The following PAK5 variants were observed in gnomAD, a reference collection of about 807,000 sequenced individuals.
PAK5 encodes p21 (RAC1) activated kinase 5.
A neutral mutation model predicts 65.9 loss-of-function variants in PAK5; 16 were observed. The ratio of observed to expected loss-of-function variants is 0.24; its 90% CI spans 0.16 to 0.37. The LOEUF is 0.37. PAK5 is among the 10% of genes least tolerant of loss of function. PAK5 has a pLI of 1.00. For synonymous variants in PAK5, 371 were observed against 354.9 expected, an observed-to-expected ratio of 1.05 and a Z score of -0.51; for missense variants, 785 against 903.9, an observed-to-expected ratio of 0.87 and a Z score of 1.69.
intron 1 of PAK5, among the ~76,000 whole-genome samples, chr20:9,762,562 A>G (rs768373186): frequency 4.6e-5 from 7 of 152,142 alleles, no homozygotes; most frequent in African/African-American, 4.8e-5. Flanking sequence ...CAAAATCACA[A>G]TGAGATATCA....
At chr20:9,641,963 T>G (rs1376342181) in intron 3 of PAK5, among the ~76,000 whole-genome samples, 3 of 152,278 alleles carry the variant, frequency 2.0e-5, no homozygotes, top group South Asian at 2.1e-4. Flanking sequence ...TTCCCACTTG[T>G]GCCTCTCCCT....
intron 2 of PAK5, among the ~76,000 whole-genome samples, chr20:9,659,864 A>ACTTT (rs563001938): frequency 1.2e-3 from 187 of 152,266 alleles, no homozygotes; most frequent in Non-Finnish European, 1.3e-3. Context: ...TTCAAACTGA[A>ACTTT]CTTTCCATGT....
At chr20:9,747,910 A>G (rs4813898) in intron 1 of PAK5, among the ~76,000 whole-genome samples, 30,646 of 151,366 alleles carry the variant, frequency 0.2, 3,097 homozygotes, top group East Asian at 0.3. Flanking sequence ...CTGTTTGCAG[A>G]TGACATGATT....
chr20:9,638,849 T>C (rs1360746394), intron 3 of PAK5, among the ~76,000 whole-genome samples: 1 of 152,184 alleles, frequency 6.6e-6, no homozygotes, highest in African/African-American at 2.4e-5. Flanking sequence ...GGAACTAGCT[T>C]GGCAAAGCTT....
chr20:9,577,423 A>G (rs6056713), intron 4 of PAK5: 28,949 of 151,734 alleles, frequency 0.19, 3,062 homozygotes, highest in African/African-American at 0.29. Context: ...GTACACACAC[A>G]TGACCCTCCT....
At position 9,715,609 on chromosome 20, in the gene PAK5, C is replaced by A. The variant is rs74751486; in HGVS notation, c.-161-4174G>T. On this transcript the variant is annotated intron_variant, in intron 1 of 9. Coordinates refer to ENST00000353224, the MANE Select transcript of PAK5 (RefSeq NM_177990.4). ...GACACATGCACACGTATGTTTATTG[C>A]GGCACTATTCACAATAGCAAAGACT... 9.0e-4 allele frequency among the ~76,000 whole-genome samples: 137 copies of A among 151,566 alleles called. 1 individual carries two copies. The highest frequency in any genetic ancestry group is 2.9e-3 in the African/African-American group (120 of 41,192).
At chr20:9,797,815 A>G (rs1017455396) in intron 1 of PAK5, among the ~76,000 whole-genome samples, 11 of 152,056 alleles carry the variant, frequency 7.2e-5, no homozygotes, top group Non-Finnish European at 1.2e-4. Flanking sequence ...GGAGATGCCA[A>G]TTAGGCACCT....
intron 1 of PAK5, among the ~76,000 whole-genome samples, chr20:9,831,484 C>T (rs965413260): frequency 6.6e-6 from 1 of 152,146 alleles, no homozygotes; most frequent in Admixed American, 6.5e-5. Flanking sequence ...TTTTTTAATT[C>T]TGATTCATAA....
At chr20:9,581,971 A>T (rs1305641637) in intron 3 of PAK5, among the ~76,000 whole-genome samples, 4 of 152,196 alleles carry the variant, frequency 2.6e-5, no homozygotes, top group South Asian at 2.1e-4. Context: ...CCTGGAGCTG[A>T]TGTTTTATAG....
chr20:9,829,742 T>G (rs1978560032), intron 1 of PAK5, among the ~76,000 whole-genome samples: 1 of 152,118 alleles, frequency 6.6e-6, no homozygotes, highest in Non-Finnish European at 1.5e-5. Flanking sequence ...TTAAATACTA[T>G]AAATCAAGCT....
At chr20:9,779,713 A>G (rs1256832288) in intron 1 of PAK5, among the ~76,000 whole-genome samples, 2 of 152,078 alleles carry the variant, frequency 1.3e-5, no homozygotes, top group African/African-American at 4.8e-5. Flanking sequence ...AATTAATTAT[A>G]GCCCCTTAGA....
intron 1 of PAK5, among the ~76,000 whole-genome samples, chr20:9,721,653 CAAAAAAAAAAAAAAAAAAA>C (rs144378083): frequency 3.1e-5 from 2 of 65,522 alleles, no homozygotes; most frequent in Non-Finnish European, 5.3e-5. Context: ...GACTCCATCT[CAAAAAAAAAAAAAAAAAAA>C]AAAAAAAAAA....
chr20:9,725,961 T>G (rs2048272845), intron 1 of PAK5, among the ~76,000 whole-genome samples: 1 of 152,124 alleles, frequency 6.6e-6, no homozygotes, highest in South Asian at 2.1e-4. Flanking sequence ...TAATTTGACA[T>G]CCTAGAGGAA....
intron 3 of PAK5, among the ~76,000 whole-genome samples, chr20:9,627,204 T>G (rs1363370821): frequency 6.6e-6 from 1 of 152,250 alleles, no homozygotes; most frequent in African/African-American, 2.4e-5. Flanking sequence ...CTTTCTGCTC[T>G]AAGCTAAGTG....
intron 3 of PAK5, among the ~76,000 whole-genome samples, chr20:9,623,271 A>T (rs1225395486): frequency 6.6e-6 from 1 of 152,150 alleles, no homozygotes; most frequent in Non-Finnish European, 1.5e-5. Context: ...ATATAGTAAA[A>T]AGGGAAGGTA....
Position 9,772,711 on chromosome 20 carries a change from C to T in PAK5, c.-161-61276G>A, listed in dbSNP as rs575877239. On this transcript the variant is annotated intron_variant, in intron 1 of 9. Transcript: ENST00000353224. The stretch of plus-strand genomic sequence containing the variant: ...TGTGGTTAATGTGAATTTACATTTG[C>T]GAAATAATGAAGTAGATGTTGTCAG... 3.9e-5 allele frequency among the ~76,000 whole-genome samples: 6 copies of T among 152,304 alleles called. No individual in the cohort carries two copies. In the South Asian group the frequency reaches 6.2e-4, roughly 16 times the overall value.
At chr20:9,700,887 AT>A (rs1186820538) in intron 2 of PAK5, among the ~76,000 whole-genome samples, 1 of 152,042 alleles carries the variant, frequency 6.6e-6, no homozygotes, top group Non-Finnish European at 1.5e-5. Flanking sequence ...TTGTTTGCAT[AT>A]TTTTGTTTTT....
At chr20:9,584,082 G>C (rs565920553) in intron 3 of PAK5, among the ~76,000 whole-genome samples, 1 of 152,098 alleles carries the variant, frequency 6.6e-6, no homozygotes, top group African/African-American at 2.4e-5. Context: ...CTCCCTTAGA[G>C]AAAGAAAGAA....
chr20:9,539,432 C>T lies in PAK5; in HGVS notation c.*30G>A. On this transcript the variant is annotated 3_prime_UTR_variant, in exon 10 of 10. Coordinates refer to ENST00000353224, the MANE Select transcript of PAK5 (RefSeq NM_177990.4). The stretch of plus-strand genomic sequence containing the variant: ...TCCTGAATTATTCTCATGTCCTCAT[C>T]TAGCTTTGCCACCTACACGAATCCT... The T allele has an allele frequency of 6.2e-7, 1 of 1,607,732 alleles. No homozygotes were observed. The highest frequency in any genetic ancestry group is 8.5e-7 in the Non-Finnish European group (1 of 1,174,598).
Sources: gnomAD v4.1 joint callset for allele counts (sites outside exome capture counted in the v4.1 genomes callset) on GRCh38, gnomAD v4.1.1 for gene constraint, MANE v1.5 for transcripts, NCBI Gene and HGNC (gene_info 2026-07-23, HGNC 2026-07-21) for gene names.